Variants in FBXW7 observed in about 807,000 individuals in gnomAD.
FBXW7 encodes the protein F-box and WD repeat domain containing 7, also known as F-box/WD repeat-containing protein 7.
Under a neutral mutation model 86.3 loss-of-function variants are expected in FBXW7, and 11 were observed. That is an observed-to-expected ratio of 0.13 (90% CI 0.08 to 0.21). The LOEUF (loss-of-function observed/expected upper bound fraction) is 0.21. Ranked by LOEUF, FBXW7 falls within the 10% of genes least tolerant of loss-of-function variation. The probability of loss-of-function intolerance (pLI) is 1.00; values close to 1 mark genes in which losing one functional copy is unlikely to be tolerated. For synonymous variants in FBXW7, 313 were observed against 297.9 expected (o/e 1.05, Z -0.52); for missense variants, 488 against 847.4 (o/e 0.58, Z 5.27).
intron 4 of FBXW7, among the ~76,000 whole-genome samples, chr4:152,383,231 G>C (rs761723227): frequency 3.9e-5 from 6 of 152,070 alleles, no homozygotes; most frequent in Non-Finnish European, 7.4e-5. Context: ...AGAGTAACTA[G>C]CCAGTCCATT....
At position 152,405,095 on chromosome 4, in the gene FBXW7, TAAAAAAAAAA is replaced by T. The variant is rs11394424; in HGVS notation, c.501+6198_501+6207del. On this transcript the variant is annotated intron_variant, in intron 4 of 13. Coordinates refer to ENST00000281708, the MANE Select transcript of FBXW7 (RefSeq NM_001349798.2). ...TGGGCAACAAAGCAAGACCTTGTCT[TAAAAAAAAAA>T]AAAAAAAAAAAAAGAGGTGAAATGA... is the stretch of plus-strand genomic sequence containing the variant. Among the ~76,000 whole-genome samples the T allele has an allele frequency of 7.6e-5, 6 of 79,036 alleles. No homozygotes were observed. The East Asian group carries it at 1.9e-3, about 25-fold the overall frequency. The allele number at this position is 79,036 out of a possible 152,430, so 51.9% of individuals were successfully genotyped here.
At chr4:152,447,315 T>TA (rs989853505) in intron 2 of FBXW7, among the ~76,000 whole-genome samples, 2 of 152,202 alleles carry the variant, frequency 1.3e-5, no homozygotes, top group Non-Finnish European at 2.9e-5. Flanking sequence ...CAGGGAATGA[T>TA]AAAGAATTCA....
intron 2 of FBXW7, among the ~76,000 whole-genome samples, chr4:152,460,518 T>C (rs1579263658): frequency 6.6e-6 from 1 of 152,222 alleles, no homozygotes; most frequent in Non-Finnish European, 1.5e-5. Flanking sequence ...GGCTGGCTGG[T>C]GAAAATTTCC....
intron 4 of FBXW7, among the ~76,000 whole-genome samples, chr4:152,373,886 C>T (rs1734234243): frequency 6.6e-6 from 1 of 151,942 alleles, no homozygotes. Context: ...GCAAAGAAAA[C>T]CGACAATTAC....
chr4:152,431,693 A>G (rs1212310160), intron 2 of FBXW7, among the ~76,000 whole-genome samples: 1 of 152,246 alleles, frequency 6.6e-6, no homozygotes, highest in Non-Finnish European at 1.5e-5. Flanking sequence ...AGAAGAGAGT[A>G]TCAAGCAGTA....
At chr4:152,514,875 G>C (rs79640973) in intron 2 of FBXW7, among the ~76,000 whole-genome samples, 2,083 of 152,226 alleles carry the variant, frequency 0.014, 26 homozygotes, top group Middle Eastern at 0.037. Context: ...AACACAAAAA[G>C]AGACTAGGAC....
intron 8 of FBXW7, among the ~76,000 whole-genome samples, 185 bp downstream of exon 8, chr4:152,332,411 T>C (rs1028298905): frequency 3.3e-5 from 5 of 152,186 alleles, no homozygotes; most frequent in African/African-American, 7.2e-5. Context: ...TCAGATATAT[T>C]TGCTATTAGT....
At position 152,411,620 on chromosome 4, in the gene FBXW7, C is replaced by T. The variant is rs1737977309; in HGVS notation, c.184G>A (p.Val62Ile). 6.2e-7 allele frequency: 1 copy of T among 1,614,002 alleles called. No homozygotes were observed. Among genetic ancestry groups the T allele is most frequent in the Non-Finnish European group, 8.5e-7 (1 of 1,179,920 alleles). Residue 62 changes from valine to isoleucine, a missense_variant, in exon 4 of 14, where the codon GTA (valine) becomes ATA (isoleucine). This residue lies in a region of FBXW7 where 230 missense variants were observed against 240.0 expected (regional missense o/e 0.96). Transcript: ENST00000281708. The part of the protein sequence containing the change: ...HTARNGEVVG[V>I]EPRPGGQNDS... ...TTTTGGCCTCCAGGTCTAGGTTCTA[C>T]TCCAACAACTTCACCATTCCTTGCA...
chr4:152,373,194 C>A (rs554130524), intron 4 of FBXW7, among the ~76,000 whole-genome samples: 1 of 152,000 alleles, frequency 6.6e-6, no homozygotes, highest in Admixed American at 6.6e-5. Context: ...GGGGCAAGAA[C>A]CTTCCTATGC....
At chr4:152,496,000 G>A (rs1006214463) in intron 2 of FBXW7, among the ~76,000 whole-genome samples, 1 of 152,100 alleles carries the variant, frequency 6.6e-6, no homozygotes, top group Admixed American at 6.5e-5. Flanking sequence ...AACATAGCAA[G>A]ACCTCATCTC....
intron 11 of FBXW7, among the ~76,000 whole-genome samples, chr4:152,327,812 G>C (rs142134612): frequency 0.017 from 2,649 of 152,024 alleles, 33 homozygotes; most frequent in Non-Finnish European, 0.026. Flanking sequence ...TGGGTGTAAG[G>C]TGGGTAGGTA....
chr4:152,410,805 G>A (rs987244163), intron 4 of FBXW7, among the ~76,000 whole-genome samples: 1 of 152,090 alleles, frequency 6.6e-6, no homozygotes, highest in Non-Finnish European at 1.5e-5. Flanking sequence ...TAACTTGTAA[G>A]TCTACTCTAC....
At chr4:152,387,435 TAAC>T (rs1340056798) in intron 4 of FBXW7, among the ~76,000 whole-genome samples, 1 of 152,150 alleles carries the variant, frequency 6.6e-6, no homozygotes, top group Non-Finnish European at 1.5e-5. Flanking sequence ...TTAGTCTTCC[TAAC>T]ATCATAGATA....
At chr4:152,374,464 C>G (rs1236721428) in intron 4 of FBXW7, among the ~76,000 whole-genome samples, 2 of 152,010 alleles carry the variant, frequency 1.3e-5, no homozygotes, top group African/African-American at 2.4e-5. Flanking sequence ...CACAGCTGCA[C>G]AGTCACTTAA....
intron 2 of FBXW7, among the ~76,000 whole-genome samples, chr4:152,498,609 A>T (rs1042356671): frequency 2.6e-5 from 4 of 152,220 alleles, no homozygotes; most frequent in Non-Finnish European, 5.9e-5. Context: ...GGAGCTTATC[A>T]TTTAGTGCGG....
chr4:152,484,357 A>G (rs1745158131), intron 2 of FBXW7, among the ~76,000 whole-genome samples: 1 of 152,148 alleles, frequency 6.6e-6, no homozygotes, highest in Admixed American at 6.6e-5. Context: ...TTTAAAAGAG[A>G]TTATAGATAA....
intron 4 of FBXW7, among the ~76,000 whole-genome samples, chr4:152,377,679 C>A (rs1021405101): frequency 6.7e-6 from 1 of 149,822 alleles, no homozygotes; most frequent in Non-Finnish European, 1.5e-5. Context: ...GCAGGATAAT[C>A]GCTTGAACCT....
At chr4:152,436,671 G>T (rs1387195809) in intron 2 of FBXW7, among the ~76,000 whole-genome samples, 1 of 152,168 alleles carries the variant, frequency 6.6e-6, no homozygotes, top group Non-Finnish European at 1.5e-5. Flanking sequence ...CTTGTTAGGG[G>T]CTGATGCTGC....
At chr4:152,428,271 CAGAG>C (rs1739559063) in intron 2 of FBXW7, among the ~76,000 whole-genome samples, 1 of 152,058 alleles carries the variant, frequency 6.6e-6, no homozygotes, top group Non-Finnish European at 1.5e-5. Context: ...GTGAGGCAAA[CAGAG>C]AGGCCATACC....
Sources: allele counts gnomAD v4.1 joint callset (sites outside exome capture counted in the v4.1 genomes callset), GRCh38; gene constraint gnomAD v4.1.1; regional missense constraint gnomAD v4.1.1; transcripts MANE v1.5; gene names NCBI Gene and HGNC (gene_info 2026-07-23, HGNC 2026-07-21).